Variants in NDRG1 observed in about 807,000 individuals in gnomAD.
NDRG1 encodes the protein protein NDRG1.
A neutral mutation model predicts 56.9 loss-of-function variants in NDRG1; 32 were observed. That is an observed-to-expected ratio of 0.56 (90% confidence interval 0.42 to 0.76). The LOEUF is 0.76. Ranked by LOEUF, NDRG1 falls within the 30% of genes least tolerant of loss-of-function variation. NDRG1 has a pLI of 0.00. For synonymous variants in NDRG1, 211 were observed against 204.1 expected, an observed-to-expected ratio of 1.03 and a Z score of -0.29; for missense variants, 507 against 545.7, an observed-to-expected ratio of 0.93 and a Z score of 0.71.
chr8:133,270,871 C>T (rs571274671), intron 3 of NDRG1, among the ~76,000 whole-genome samples: 29 of 152,324 alleles, frequency 1.9e-4, no homozygotes, highest in African/African-American at 7.0e-4. Context: ...CAATCCCTGC[C>T]ATCAGTTGTA....
At position 133,264,664 on chromosome 8, in the gene NDRG1, C is replaced by T. The variant is rs199945712; in HGVS notation, c.100-12G>A. The T allele has an allele frequency of 1.9e-5, 31 of 1,611,652 alleles. No homozygotes were observed. The East Asian group carries it at 6.2e-4, about 32-fold the overall frequency. On this transcript the variant is annotated splice_polypyrimidine_tract_variant and intron_variant, in intron 3 of 15. Coordinates refer to ENST00000323851, the MANE Select transcript of NDRG1 (RefSeq NM_006096.4). ...TCGATGTCCTGCTCCTGAGGAGACA[C>T]AGCAGACAGTGGGCTGGTCATGTGG...
At chr8:133,277,390 C>T (rs1016642443) in intron 3 of NDRG1, among the ~76,000 whole-genome samples, 1 of 152,038 alleles carries the variant, frequency 6.6e-6, no homozygotes, top group Admixed American at 6.5e-5. Context: ...ATGGAAAAAC[C>T]CATCTCTACT....
chr8:133,267,333 T>G (rs925267022), intron 3 of NDRG1, among the ~76,000 whole-genome samples: 1 of 152,068 alleles, frequency 6.6e-6, no homozygotes, highest in Non-Finnish European at 1.5e-5. Flanking sequence ...GTGAGGGTGG[T>G]GACACATAAA....
chr8:133,281,657 T>G (rs2130788912), intron 2 of NDRG1, among the ~76,000 whole-genome samples: 1 of 152,000 alleles, frequency 6.6e-6, no homozygotes, highest in African/African-American at 2.4e-5. Flanking sequence ...GCAAAAGCGA[T>G]GAGGGGAACA....
rs556776266 is a variant in NDRG1, at chr8:133,248,436, T to C, written c.755+279A>G. 3.3e-5 allele frequency among the ~76,000 whole-genome samples: 5 copies of C among 152,328 alleles called. No individual in the cohort carries two copies. In the East Asian group the frequency reaches 9.6e-4, roughly 29 times the overall value. ...CATGGAGCAAAGCCTCACACAGTTA[T>C]TGATGTAGTAGGTGCTTAATAAATG... On this transcript the variant is annotated intron_variant, in intron 11 of 15. Transcript: ENST00000323851.
chr8:133,273,282 C>G (rs1487577764), intron 3 of NDRG1, among the ~76,000 whole-genome samples: 1 of 152,190 alleles, frequency 6.6e-6, no homozygotes, highest in Admixed American at 6.5e-5. Flanking sequence ...TTTGAAGCCA[C>G]AGAAAGTCAC....
At chr8:133,275,260 C>A (rs1452563894) in intron 3 of NDRG1, among the ~76,000 whole-genome samples, 1 of 152,198 alleles carries the variant, frequency 6.6e-6, no homozygotes, top group Non-Finnish European at 1.5e-5. Context: ...ACCTTCCAAT[C>A]TAAGAAGCCA....
At chr8:133,272,119 A>G (rs930070226) in intron 3 of NDRG1, among the ~76,000 whole-genome samples, 1 of 152,206 alleles carries the variant, frequency 6.6e-6, no homozygotes, top group African/African-American at 2.4e-5. Flanking sequence ...TTCATTCCCC[A>G]GTCTTCTTTT....
At chr8:133,255,727 G>A (rs1483118728) in intron 8 of NDRG1, 2 of 190,440 alleles carry the variant, frequency 1.1e-5, no homozygotes, top group Admixed American at 1.1e-4. Flanking sequence ...GATGGGGCAA[G>A]AGGCAGGGCC....
At chr8:133,254,434 T>C (rs764327102) in intron 9 of NDRG1, 105 bp downstream of exon 9, 32 of 1,183,384 alleles carry the variant, frequency 2.7e-5, no homozygotes, top group Non-Finnish European at 3.7e-5. Flanking sequence ...TGGCCCCCAG[T>C]TGATTGTGTC....
chr8:133,257,005 C>G, intron 7 of NDRG1, 142 bp from the exon 8 acceptor site: 1 of 781,856 alleles, frequency 1.3e-6, no homozygotes, highest in South Asian at 1.5e-5. Flanking sequence ...CCCGGCCCCA[C>G]CCCATGCAAA....
In NDRG1 at chr8:133,254,615, G is replaced by C. The variant is rs762899679; in HGVS notation, c.538-20C>G. The C allele has an allele frequency of 6.2e-7, 1 of 1,613,274 alleles. No individual in the cohort carries two copies. Among genetic ancestry groups the C allele is most frequent in the African/African-American group, 1.3e-5 (1 of 75,026 alleles). On this transcript the variant is annotated intron_variant, in intron 8 of 15. Transcript: ENST00000323851. ...TGAGATCTGGAAAGGAGTAAAGTGG[G>C]TGGATGAGAAACCAGGAGCTAACAG... is the stretch of plus-strand genomic sequence containing the variant.
chr8:133,243,804 C>A (rs1292751891), intron 14 of NDRG1, among the ~76,000 whole-genome samples: 1 of 152,184 alleles, frequency 6.6e-6, no homozygotes, highest in Non-Finnish European at 1.5e-5. Context: ...TAAAAGTTTA[C>A]TTGTTAGGTT....
At chr8:133,279,447 T>C (rs373884238) in intron 3 of NDRG1, among the ~76,000 whole-genome samples, 1 of 152,262 alleles carries the variant, frequency 6.6e-6, no homozygotes, top group East Asian at 1.9e-4. Context: ...GGAGGTAGAA[T>C]AGAGGAGTGA....
chr8:133,284,854 A>G (rs1858017326), intron 1 of NDRG1: 1 of 456,536 alleles, frequency 2.2e-6, no homozygotes, highest in African/African-American at 2.0e-5. Flanking sequence ...CATGCGCGTG[A>G]ACACACATAC....
rs781719677 is a variant in NDRG1, at chr8:133,264,536, T to C, written c.205+11A>G. Reference sequence around the variant, plus strand: ...CCGGCTGACAGGGAATCAGAGCTCCTCAGAACTTACGGTTCATGCCGATGT... The same window carrying C: ...CCGGCTGACAGGGAATCAGAGCTCCCCAGAACTTACGGTTCATGCCGATGT... On this transcript the variant is annotated intron_variant, in intron 4 of 15. Transcript: ENST00000323851. The C allele has an allele frequency of 1.2e-6, 2 of 1,613,604 alleles. No homozygotes were observed. The highest frequency in any genetic ancestry group is 2.2e-5 in the South Asian group (2 of 91,074).
chr8:133,288,445 A>G (rs1858246970), intron 1 of NDRG1: 1 of 152,216 alleles, frequency 6.6e-6, no homozygotes, highest in African/African-American at 2.4e-5. Flanking sequence ...CCAGCAGGAA[A>G]TGGCAGGTGA....
chr8:133,247,737 G>T, intron 12 of NDRG1, 138 bp downstream of exon 12: 3 of 928,794 alleles, frequency 3.2e-6, no homozygotes, highest in Non-Finnish European at 5.2e-6. Flanking sequence ...CTGCCCAAAG[G>T]CCAATATGGC....
Position 133,246,651 on chromosome 8 carries a change from A to C in NDRG1, c.820T>G (p.Ser274Ala). The C allele has an allele frequency of 1.9e-6, 3 of 1,614,090 alleles. No homozygotes were observed. The highest frequency in any genetic ancestry group is 2.5e-6 in the Non-Finnish European group (3 of 1,180,006). The change falls in exon 13 of 16, where the codon TCA (serine) becomes GCA (alanine). Residue 274 changes from serine to alanine, a missense_variant. Transcript: ENST00000323851. ...PAVDAVVECN[S>A]KLDPTKTTLL... ...GTGGTCTTTGTTGGGTCCAATTTTGAGTTGCACTCCACCTGCACAAGAGGG... is the reference window on the plus strand; with the variant it reads ...GTGGTCTTTGTTGGGTCCAATTTTGCGTTGCACTCCACCTGCACAAGAGGG...
Sources: gnomAD v4.1 joint callset for allele counts (sites outside exome capture counted in the v4.1 genomes callset) on GRCh38, gnomAD v4.1.1 for gene constraint, MANE v1.5 for transcripts, NCBI Gene and HGNC (gene_info 2026-07-23, HGNC 2026-07-21) for gene names.